The following FAM81A variants were observed in gnomAD, a reference collection of about 807,000 sequenced individuals.
FAM81A encodes the protein family with sequence similarity 81 member A, also known as protein FAM81A.
A neutral mutation model predicts 46.7 loss-of-function variants in FAM81A; 19 were observed. That is an observed-to-expected ratio of 0.41 (90% CI 0.28 to 0.60). The LOEUF is 0.60. Among genes scored for constraint, FAM81A ranks in the 20% least tolerant of loss-of-function variants. FAM81A has a pLI of 0.34. For synonymous variants in FAM81A, 183 were observed against 152.9 expected (o/e 1.20, Z -1.45); for missense variants, 377 against 453.5 (o/e 0.83, Z 1.53).
intron 4 of FAM81A, among the ~76,000 whole-genome samples, chr15:59,503,723 C>A (rs916124443): frequency 3.5e-4 from 53 of 152,238 alleles, no homozygotes; most frequent in African/African-American, 1.2e-3. Flanking sequence ...CATGCGTGCA[C>A]CACCACACCC....
chr15:59,460,478 T>C lies in FAM81A; in HGVS notation c.294+272T>C, dbSNP rs1321824973. 1 of 510,748 alleles carries C rather than the reference T, an allele frequency of 2.0e-6. No homozygotes were observed. Among genetic ancestry groups the C allele is most frequent in the Non-Finnish European group, 3.6e-6 (1 of 281,424 alleles). 31.6% of individuals were successfully genotyped at this position (510,748 alleles called of 1,614,324 possible). A position where few individuals can be genotyped will look rare whatever the true frequency, so the allele number is the denominator to read the frequency against. ...TAAATGATTTTATTTTGTTTGGCTC[T>C]TAATGAAGAGAGAGAAGAACTAGTC... On this transcript the variant is annotated intron_variant, in intron 3 of 8. Transcript: ENST00000288228. The surrounding 1 kb of genome is among the most constrained non-coding windows in gnomAD (Gnocchi z 4.4).
intron 2 of FAM81A, among the ~76,000 whole-genome samples, chr15:59,432,971 T>TAA (rs71119472): frequency 1.2e-4 from 17 of 140,640 alleles, no homozygotes; most frequent in East Asian, 1.0e-3. Flanking sequence ...CCGTCTCTAT[T>TAA]AAAAAAAAAA....
At chr15:59,430,331 C>G (rs1288621925) in intron 2 of FAM81A, among the ~76,000 whole-genome samples, 1 of 129,270 alleles carries the variant, frequency 7.7e-6, no homozygotes, top group Non-Finnish European at 1.5e-5. Context: ...GTGGTACAAT[C>G]TCAGCTCAGT....
At chr15:59,452,980 C>G (rs1032531039) in intron 1 of FAM81A, among the ~76,000 whole-genome samples, 4 of 152,180 alleles carry the variant, frequency 2.6e-5, no homozygotes, top group African/African-American at 9.7e-5. Context: ...CCAGGCTGGT[C>G]TTGAACTCCT....
intron 2 of FAM81A, among the ~76,000 whole-genome samples, chr15:59,418,968 G>A (rs554463588): frequency 2.0e-5 from 3 of 152,250 alleles, no homozygotes; most frequent in South Asian, 4.1e-4. Context: ...TTTCTGAACA[G>A]ACTGGCTGTA....
chr15:59,408,509 C>T (rs1417271099), intron 2 of FAM81A, among the ~76,000 whole-genome samples: 2 of 151,888 alleles, frequency 1.3e-5, no homozygotes, highest in African/African-American at 4.8e-5. Flanking sequence ...AACCTGGCCA[C>T]GTTGTAAAAC....
chr15:59,504,750 C>T lies in FAM81A; in HGVS notation c.414-2463C>T, dbSNP rs137870437. On this transcript the variant is annotated intron_variant, in intron 4 of 8. Transcript: ENST00000288228. ...TATTCTTGGATGATAGGTTATTTAC[C>T]CTCAATACTTAGAAGATGTTTCTCC... Among the ~76,000 whole-genome samples the T allele has an allele frequency of 6.3e-3, 958 of 152,166 alleles. 8 individuals are homozygous for T. Among genetic ancestry groups the T allele is most frequent in the Non-Finnish European group, 8.7e-3 (591 of 68,002 alleles).
At chr15:59,442,930 T>TTTAAAAGGAAA (rs1429123042) in intron 1 of FAM81A, among the ~76,000 whole-genome samples, 2 of 152,214 alleles carry the variant, frequency 1.3e-5, no homozygotes, top group Non-Finnish European at 2.9e-5. Flanking sequence ...TACTCGTGTA[T>TTTAAAAGGAAA]ATTTCCTTTT....
chr15:59,468,750 T>C (rs1256206126), intron 3 of FAM81A, among the ~76,000 whole-genome samples: 1 of 152,216 alleles, frequency 6.6e-6, no homozygotes, highest in Non-Finnish European at 1.5e-5. Flanking sequence ...TCTTGCCTTA[T>C]GCTAGCTTTT....
At chr15:59,515,422 T>G (rs1218334181) in intron 7 of FAM81A, among the ~76,000 whole-genome samples, 4 of 152,144 alleles carry the variant, frequency 2.6e-5, no homozygotes, top group African/African-American at 9.7e-5. Flanking sequence ...AAATGACTGG[T>G]GCAGTACATC....
intron 1 of FAM81A, among the ~76,000 whole-genome samples, chr15:59,400,511 G>A (rs1205355193): frequency 6.6e-6 from 1 of 152,080 alleles, no homozygotes; most frequent in Non-Finnish European, 1.5e-5. Flanking sequence ...TTCAGCATAA[G>A]GCTGATGATG....
At chr15:59,511,955 A>G (rs1232826881) in intron 6 of FAM81A, among the ~76,000 whole-genome samples, 1 of 152,174 alleles carries the variant, frequency 6.6e-6, no homozygotes, top group Non-Finnish European at 1.5e-5. Context: ...GGCCCATAAC[A>G]GCATTATTTT....
At chr15:59,429,688 TA>T (rs2141562718) in intron 2 of FAM81A, among the ~76,000 whole-genome samples, 1 of 152,378 alleles carries the variant, frequency 6.6e-6, no homozygotes, top group South Asian at 2.1e-4. Flanking sequence ...CACTGGGATT[TA>T]TTTTAAAAAG....
intron 3 of FAM81A, among the ~76,000 whole-genome samples, chr15:59,490,268 T>C (rs558747376): frequency 5.9e-4 from 90 of 151,994 alleles, no homozygotes; most frequent in African/African-American, 2.1e-3. Context: ...ACAAATGGGA[T>C]CAAATTAAGT....
At chr15:59,418,687 C>G (rs955506991) in intron 2 of FAM81A, among the ~76,000 whole-genome samples, 1 of 152,210 alleles carries the variant, frequency 6.6e-6, no homozygotes. Flanking sequence ...TTCATGTCTG[C>G]TAACATGGGG....
chr15:59,416,990 C>T lies in FAM81A; in HGVS notation c.-78+14632C>T, dbSNP rs141233265. ...AAGAGTCCCCATCCTAGACTTGTGC[C>T]GTCGTGTCTGCATCTGGTGCTATGC... On this transcript the variant is annotated intron_variant, in intron 2 of 4. Transcript: ENST00000558348. Among the ~76,000 whole-genome samples the T allele has an allele frequency of 8.7e-3, 1,319 of 151,912 alleles. 23 individuals carry two copies. The highest frequency in any genetic ancestry group is 0.03 in the African/African-American group (1,229 of 41,392).
chr15:59,485,974 T>G (rs531033119), intron 3 of FAM81A, among the ~76,000 whole-genome samples: 2 of 152,198 alleles, frequency 1.3e-5, no homozygotes, highest in African/African-American at 4.8e-5. Flanking sequence ...AGGTCAGAAG[T>G]TCGAGACCAG....
chr15:59,433,173 T>C (rs1247823445), intron 2 of FAM81A, among the ~76,000 whole-genome samples: 2 of 141,950 alleles, frequency 1.4e-5, no homozygotes, highest in Non-Finnish European at 3.1e-5. Context: ...AAAATCAAAA[T>C]TGGGCTGGGT....
At chr15:59,462,768 T>A (rs1213396022) in intron 3 of FAM81A, among the ~76,000 whole-genome samples, 1 of 152,254 alleles carries the variant, frequency 6.6e-6, no homozygotes, top group Non-Finnish European at 1.5e-5. Flanking sequence ...GACAATAATT[T>A]GTACTTTTGT....
Sources: allele counts gnomAD v4.1 joint callset (sites outside exome capture counted in the v4.1 genomes callset), GRCh38; gene constraint gnomAD v4.1.1; non-coding constraint Gnocchi (gnomAD v3.1); transcripts MANE v1.5; gene names NCBI Gene and HGNC (gene_info 2026-07-23, HGNC 2026-07-21).